The following FBXL7 variants were observed in gnomAD, a reference collection of about 807,000 sequenced individuals.
The protein encoded by FBXL7 is F-box/LRR-repeat protein 7.
FBXL7 carries 12 observed loss-of-function variants against 38.3 expected under a neutral mutation model. That is an observed-to-expected ratio of 0.31 (90% CI 0.20 to 0.51). The LOEUF (loss-of-function observed/expected upper bound fraction) is 0.51, where lower values mean the gene tolerates loss of function less well. Among genes scored for constraint, FBXL7 ranks in the 20% least tolerant of loss-of-function variants. The pLI is 0.98. For synonymous variants in FBXL7, 297 were observed against 300.9 expected (o/e 0.99, Z 0.13); for missense variants, 567 against 676.4 (o/e 0.84, Z 1.79).
chr5:15,610,588 C>CCCTCCCTG (rs1740199648), intron 1 of FBXL7, among the ~76,000 whole-genome samples: 2 of 152,258 alleles, frequency 1.3e-5, no homozygotes, highest in Admixed American at 6.5e-5. Flanking sequence ...CTGAGCACCA[C>CCCTCCCTG]CCTCCCTGCC....
At chr5:15,763,480 C>T (rs1374229047) in intron 2 of FBXL7, among the ~76,000 whole-genome samples, 4 of 152,040 alleles carry the variant, frequency 2.6e-5, no homozygotes, top group South Asian at 2.1e-4. Flanking sequence ...AAATTTTTGG[C>T]GAGTTCCAGG....
intron 2 of FBXL7, among the ~76,000 whole-genome samples, chr5:15,802,549 T>C (rs1737598041): frequency 6.6e-6 from 1 of 152,112 alleles, no homozygotes; most frequent in African/African-American, 2.4e-5. Context: ...TTCTCCTCAC[T>C]TGGCTGTCTC....
intron 2 of FBXL7, among the ~76,000 whole-genome samples, chr5:15,927,454 C>T (rs954683203): frequency 3.3e-5 from 5 of 152,046 alleles, no homozygotes; most frequent in Admixed American, 3.3e-4. Flanking sequence ...GAATGTTGCC[C>T]CCATGAATGT....
intron 2 of FBXL7, among the ~76,000 whole-genome samples, chr5:15,719,499 G>A (rs1744136771): frequency 6.7e-6 from 1 of 148,762 alleles, no homozygotes; most frequent in African/African-American, 2.5e-5. Flanking sequence ...GTGATCGCCA[G>A]TCTGGGAATA....
At chr5:15,603,906 G>A (rs1739897851) in intron 1 of FBXL7, among the ~76,000 whole-genome samples, 1 of 152,196 alleles carries the variant, frequency 6.6e-6, no homozygotes, top group Non-Finnish European at 1.5e-5. Flanking sequence ...GGAGGCTGAG[G>A]CGAGTGGGTC....
At chr5:15,667,661 A>T (rs1014990154) in intron 2 of FBXL7, among the ~76,000 whole-genome samples, 2 of 152,104 alleles carry the variant, frequency 1.3e-5, no homozygotes, top group Admixed American at 1.3e-4. Flanking sequence ...GACATAACAC[A>T]CATCCTTTAT....
In FBXL7 at chr5:15,720,913, A is replaced by T. The variant is rs116547967; in HGVS notation, c.127+104841A>T. ...AAAGGTAACAATGGGTTAAGATAGA[A>T]ATATGTTTGAAAGTGATAATTTTTA... On this transcript the variant is annotated intron_variant, in intron 2 of 3. Transcript: ENST00000504595. Among the ~76,000 whole-genome samples, 953 of 152,158 alleles carry T rather than the reference A, an allele frequency of 6.3e-3. 11 individuals carry two copies. Among genetic ancestry groups the T allele is most frequent in the African/African-American group, 0.022 (902 of 41,540 alleles).
chr5:15,639,478 G>C (rs1294471378), intron 2 of FBXL7, among the ~76,000 whole-genome samples: 1 of 152,030 alleles, frequency 6.6e-6, no homozygotes, highest in African/African-American at 2.4e-5. Flanking sequence ...CTCTTTGTCT[G>C]CTGTCATCCA....
Position 15,934,010 on chromosome 5 carries a change from A to C in FBXL7, c.740-2440A>C, listed in dbSNP as rs540578327. Among the ~76,000 whole-genome samples, 14 of 140,832 alleles carry C rather than the reference A, an allele frequency of 9.9e-5. No individual in the cohort carries two copies. In the South Asian group the frequency reaches 2.9e-3, roughly 29 times the overall value. 92.4% of individuals were successfully genotyped at this position (140,832 alleles called of 152,430 possible). A position where few individuals can be genotyped will look rare whatever the true frequency, so the allele number is the denominator to read the frequency against. ...AAAAGTAATTGCGGTTTTTGTCTTT[A>C]TTTATCTATTTTGAGATCAAGTCTT... is the stretch of plus-strand genomic sequence containing the variant. On this transcript the variant is annotated intron_variant, in intron 3 of 3. Transcript: ENST00000504595.
chr5:15,613,486 T>C (rs1330141300), intron 1 of FBXL7, among the ~76,000 whole-genome samples: 1 of 152,068 alleles, frequency 6.6e-6, no homozygotes, highest in East Asian at 1.9e-4. Context: ...ACTCTGAGGG[T>C]AGAGGCTGTG....
At chr5:15,810,396 A>G (rs886230255) in intron 2 of FBXL7, among the ~76,000 whole-genome samples, 1 of 152,018 alleles carries the variant, frequency 6.6e-6, no homozygotes, top group African/African-American at 2.4e-5. Flanking sequence ...CCTTGTCTCT[A>G]CTAAAAATAC....
chr5:15,936,358 T>C lies in FBXL7; in HGVS notation c.740-92T>C. On this transcript the variant is annotated intron_variant, in intron 3 of 3. Coordinates refer to ENST00000504595, the MANE Select transcript of FBXL7 (RefSeq NM_012304.5). The surrounding 1 kb of genome is among the most constrained non-coding windows in gnomAD (Gnocchi z 6.0). ...GTAACATCAGCCTCGGACCCAGACTTGGGCGAGGGTCAGGAATGCCCCAGG... is the reference window on the plus strand; with the variant it reads ...GTAACATCAGCCTCGGACCCAGACTCGGGCGAGGGTCAGGAATGCCCCAGG... 1 of 1,473,234 alleles carries C rather than the reference T, an allele frequency of 6.8e-7. No individual in the cohort carries two copies. Among genetic ancestry groups the C allele is most frequent in the East Asian group, 2.4e-5 (1 of 42,244 alleles). The allele number at this position is 1,473,234 out of a possible 1,614,324, so 91.3% of individuals were successfully genotyped here. A position where few individuals can be genotyped will look rare whatever the true frequency, so the allele number is the denominator to read the frequency against.
chr5:15,579,913 A>G (rs1031773432), intron 1 of FBXL7, among the ~76,000 whole-genome samples: 3 of 152,178 alleles, frequency 2.0e-5, no homozygotes, highest in Non-Finnish European at 2.9e-5. Flanking sequence ...AGAAGCTTTC[A>G]AGAGTTGCTT....
intron 2 of FBXL7, among the ~76,000 whole-genome samples, chr5:15,771,480 A>G (rs763126691): frequency 6.6e-6 from 1 of 152,226 alleles, no homozygotes; most frequent in Non-Finnish European, 1.5e-5. Flanking sequence ...AAGTATATGT[A>G]TAGGAAATCT....
chr5:15,779,317 A>G (rs1736934569), intron 2 of FBXL7, among the ~76,000 whole-genome samples: 1 of 152,232 alleles, frequency 6.6e-6, no homozygotes, highest in Non-Finnish European at 1.5e-5. Context: ...AATTTATTAT[A>G]TATTTCAAGG....
intron 2 of FBXL7, among the ~76,000 whole-genome samples, chr5:15,749,442 C>G (rs866146376): frequency 6.6e-6 from 1 of 151,756 alleles, no homozygotes; most frequent in African/African-American, 2.4e-5. Context: ...CTGGCTAACA[C>G]GGTGAAACCC....
intron 1 of FBXL7, among the ~76,000 whole-genome samples, chr5:15,540,122 C>T (rs1221479657): frequency 6.6e-6 from 1 of 152,134 alleles, no homozygotes; most frequent in Non-Finnish European, 1.5e-5. Flanking sequence ...AAATATCATG[C>T]AAAAGCTCAT....
intron 1 of FBXL7, among the ~76,000 whole-genome samples, chr5:15,531,497 C>T (rs1737430652): frequency 6.6e-6 from 1 of 152,148 alleles, no homozygotes; most frequent in Non-Finnish European, 1.5e-5. Flanking sequence ...TGAGAGACAG[C>T]AAGCTGAGTG....
chr5:15,879,934 G>A (rs1561169816), intron 2 of FBXL7, among the ~76,000 whole-genome samples: 2 of 151,968 alleles, frequency 1.3e-5, no homozygotes, highest in Non-Finnish European at 2.9e-5. Context: ...GAGTTTTCAA[G>A]CAATACAAAT....
Sources: gnomAD v4.1 joint callset for allele counts (sites outside exome capture counted in the v4.1 genomes callset) on GRCh38, gnomAD v4.1.1 for gene constraint, Gnocchi (gnomAD v3.1) non-coding constraint, MANE v1.5 for transcripts, NCBI Gene and HGNC (gene_info 2026-07-23, HGNC 2026-07-21) for gene names.